The following GALM variants were observed in gnomAD, a reference collection of about 807,000 sequenced individuals.
The protein encoded by GALM is galactose mutarotase.
In GALM, 43 loss-of-function variants were observed where a neutral mutation model predicts 37.4. The ratio of observed to expected loss-of-function variants is 1.15; its 90% confidence interval spans 0.90 to 1.48. The LOEUF (loss-of-function observed/expected upper bound fraction) is 1.48, where lower values mean the gene tolerates loss of function less well. GALM is among the 40% of genes most tolerant of loss of function. GALM has a pLI of 0.00. For synonymous variants in GALM, 199 were observed against 170.6 expected, an observed-to-expected ratio of 1.17 and a Z score of -1.30; for missense variants, 456 against 419.1, an observed-to-expected ratio of 1.09 and a Z score of -0.77.
At chr2:38,675,811 C>T (rs1045842863) in intron 1 of GALM, 101 bp from the exon 2 acceptor site, 70 of 1,062,822 alleles carry the variant, frequency 6.6e-5, no homozygotes, top group Non-Finnish European at 9.0e-5. Context: ...CCTTGTGATC[C>T]GCCTGCCTCG....
In GALM at chr2:38,734,119, C is replaced by T; in HGVS notation, c.*554C>T. On this transcript the variant is annotated 3_prime_UTR_variant, in exon 7 of 7. Coordinates refer to ENST00000272252, the MANE Select transcript of GALM (RefSeq NM_138801.3). ...CAAGCTAATAAATAAAAAGTTGAGGCCGGGCACGGTGGCTCACGCCTGTAA... is the reference window on the plus strand; with the variant it reads ...CAAGCTAATAAATAAAAAGTTGAGGTCGGGCACGGTGGCTCACGCCTGTAA... The T allele has an allele frequency of 6.1e-6, 1 of 163,034 alleles. No homozygotes were observed. The highest frequency in any genetic ancestry group is 1.7e-4 in the South Asian group (1 of 5,924). 10.1% of individuals were successfully genotyped at this position (163,034 alleles called of 1,614,324 possible).
At chr2:38,701,295 G>T (rs1166956034) in intron 4 of GALM, among the ~76,000 whole-genome samples, 1 of 151,974 alleles carries the variant, frequency 6.6e-6, no homozygotes, top group Non-Finnish European at 1.5e-5. Flanking sequence ...ACAATACAGT[G>T]CACTACTAAG....
chr2:38,703,590 G>A (rs1665975226), intron 4 of GALM, among the ~76,000 whole-genome samples: 1 of 152,128 alleles, frequency 6.6e-6, no homozygotes, highest in Non-Finnish European at 1.5e-5. Context: ...CTGAGGTCCT[G>A]TCCATTTCTT....
chr2:38,722,718 A>C (rs1279254498), intron 4 of GALM, among the ~76,000 whole-genome samples: 1 of 152,204 alleles, frequency 6.6e-6, no homozygotes, highest in Non-Finnish European at 1.5e-5. Context: ...CCAAAGCACA[A>C]AGTCATATAT....
chr2:38,703,054 T>TATATATATATATATATA (rs1665951434), intron 4 of GALM, among the ~76,000 whole-genome samples: 2 of 13,956 alleles, frequency 1.4e-4, no homozygotes, highest in African/African-American at 2.0e-4. Context: ...ATGTGGGATT[T>TATATATATATATATATA]TATATATATA....
Position 38,701,945 on chromosome 2 carries a change from T to C in GALM, c.634+12051T>C, listed in dbSNP as rs114623629. ...TGTCAGTATCCTTACTCTTTCCATT[T>C]CACTCCCCACTGCCTTAATTAGTCA... On this transcript the variant is annotated intron_variant, in intron 4 of 6. Coordinates refer to ENST00000272252, the MANE Select transcript of GALM (RefSeq NM_138801.3). 8.4e-3 allele frequency among the ~76,000 whole-genome samples: 1,282 copies of C among 152,346 alleles called. 16 individuals are homozygous for C. Among genetic ancestry groups the C allele is most frequent in the African/African-American group, 0.025 (1,020 of 41,586 alleles).
intron 3 of GALM, among the ~76,000 whole-genome samples, chr2:38,682,459 T>G (rs1031935051): frequency 1.3e-5 from 2 of 152,184 alleles, no homozygotes; most frequent in Non-Finnish European, 2.9e-5. Context: ...TTGCTGATGA[T>G]CTGCTGGATT....
At chr2:38,686,308 C>A (rs1482098866) in intron 3 of GALM, among the ~76,000 whole-genome samples, 4 of 147,258 alleles carry the variant, frequency 2.7e-5, no homozygotes, top group Admixed American at 2.0e-4. Context: ...CTCTGTCTCC[C>A]AGGCTGGAGT....
chr2:38,672,470 A>G (rs775151956), intron 1 of GALM, among the ~76,000 whole-genome samples: 1 of 152,124 alleles, frequency 6.6e-6, no homozygotes, highest in Non-Finnish European at 1.5e-5. Flanking sequence ...AATAGGAGAG[A>G]GAGAGATCAG....
At chr2:38,684,590 G>C (rs949205118) in intron 3 of GALM, among the ~76,000 whole-genome samples, 1 of 152,142 alleles carries the variant, frequency 6.6e-6, no homozygotes, top group Admixed American at 6.5e-5. Flanking sequence ...CAGATCACTT[G>C]AGGTCAGGAG....
At chr2:38,675,202 T>C (rs1397136778) in intron 1 of GALM, among the ~76,000 whole-genome samples, 2 of 152,034 alleles carry the variant, frequency 1.3e-5, no homozygotes, top group Non-Finnish European at 2.9e-5. Context: ...CAAATAGTTT[T>C]ATAAAAAGAA....
intron 4 of GALM, among the ~76,000 whole-genome samples, chr2:38,705,689 G>T (rs1013062138): frequency 1.3e-5 from 2 of 152,168 alleles, no homozygotes; most frequent in Admixed American, 1.3e-4. Flanking sequence ...ATTTAAGGCA[G>T]CATCCACTCC....
At chr2:38,675,889 G>C in intron 1 of GALM, 23 bp from the exon 2 acceptor site, 1 of 1,613,236 alleles carries the variant, frequency 6.2e-7, no homozygotes, top group Non-Finnish European at 8.5e-7. Flanking sequence ...TTTTAAAAGT[G>C]CTGTCATCCC....
chr2:38,673,638 G>A (rs986110898), intron 1 of GALM, among the ~76,000 whole-genome samples: 3 of 151,996 alleles, frequency 2.0e-5, no homozygotes, highest in East Asian at 1.9e-4. Flanking sequence ...GTGAAACCCC[G>A]TCTCTACTAA....
chr2:38,667,656 T>G (rs1429202561), intron 1 of GALM, among the ~76,000 whole-genome samples: 1 of 148,092 alleles, frequency 6.8e-6, no homozygotes, highest in Non-Finnish European at 1.5e-5. Context: ...GCTAATTTTT[T>G]TGTGTTTTTG....
intron 5 of GALM, among the ~76,000 whole-genome samples, chr2:38,730,108 G>C (rs1036204711): frequency 6.6e-6 from 1 of 152,218 alleles, no homozygotes; most frequent in African/African-American, 2.4e-5. Context: ...ACCGCCTCCA[G>C]CCTTGACCGA....
chr2:38,700,338 C>G (rs953747814), intron 4 of GALM, among the ~76,000 whole-genome samples: 2 of 152,036 alleles, frequency 1.3e-5, no homozygotes, highest in African/African-American at 2.4e-5. Flanking sequence ...TTGAATTCCC[C>G]AGCTATTGTA....
At chr2:38,712,495 A>G (rs1175628469) in intron 4 of GALM, among the ~76,000 whole-genome samples, 1 of 152,162 alleles carries the variant, frequency 6.6e-6, no homozygotes, top group Non-Finnish European at 1.5e-5. Context: ...CACCCTCCAA[A>G]TTTATAGTTG....
rs747645368 is a variant in GALM at position 38,675,995 on chromosome 2, G to A, written c.274G>A (p.Gly92Arg). ...RIAKGTFKVD[G>R]KEYHLAINKE... ...CGCCAAAGGAACCTTCAAGGTGGAT[G>A]GGAAGGAGTATCACCTGGCCATTAA... Residue 92 changes from glycine (G) to arginine (R), a missense_variant, in exon 2 of 7, where the codon GGG becomes AGG. Coordinates refer to ENST00000272252, the MANE Select transcript of GALM (RefSeq NM_138801.3). 6.2e-7 allele frequency: 1 copy of A among 1,614,042 alleles called. No individual in the cohort carries two copies. The highest frequency in any genetic ancestry group is 1.7e-5 in the Admixed American group (1 of 60,012).
Sources: allele counts gnomAD v4.1 joint callset (sites outside exome capture counted in the v4.1 genomes callset), GRCh38; gene constraint gnomAD v4.1.1; transcripts MANE v1.5; gene names NCBI Gene and HGNC (gene_info 2026-07-23, HGNC 2026-07-21).